Variants in ATP9A observed in about 807,000 individuals in gnomAD.
ATP9A encodes ATPase phospholipid transporting 9A, also known as probable phospholipid-transporting ATPase IIA.
ATP9A carries 52 observed loss-of-function variants against 144.1 expected under a neutral mutation model. The ratio of observed to expected loss-of-function variants is 0.36; its 90% CI spans 0.29 to 0.45. The LOEUF is 0.45. Ranked by LOEUF, ATP9A falls within the 20% of genes least tolerant of loss-of-function variation. The pLI is 1.00. For synonymous variants in ATP9A, 582 were observed against 557.4 expected (o/e 1.04, Z -0.62); for missense variants, 947 against 1,392.7 (o/e 0.68, Z 5.09).
intron 6 of ATP9A, among the ~76,000 whole-genome samples, chr20:51,694,499 C>T (rs1261448591): frequency 2.0e-5 from 3 of 152,106 alleles, no homozygotes; most frequent in Admixed American, 1.3e-4. Context: ...ACCCAAACCA[C>T]CTGAGTGCAG....
At chr20:51,675,276 A>T (rs2077472355) in intron 10 of ATP9A, among the ~76,000 whole-genome samples, 1 of 152,218 alleles carries the variant, frequency 6.6e-6, no homozygotes, top group African/African-American at 2.4e-5. Context: ...CTAATGGTGG[A>T]GCGACCATGA....
At position 51,604,926 on chromosome 20, in the gene ATP9A, C is replaced by G; in HGVS notation, c.2898G>C (p.Leu966=). 2 of 1,613,200 alleles carry G rather than the reference C, an allele frequency of 1.2e-6. No homozygotes were observed. Among genetic ancestry groups the G allele is most frequent in the Non-Finnish European group, 1.7e-6 (2 of 1,179,576 alleles). Residue 966 remains leucine, a synonymous_variant, in exon 27 of 28, where the codon CTG becomes CTC. Coordinates refer to ENST00000338821, the MANE Select transcript of ATP9A (RefSeq NM_006045.3). ...ISFTSLILTE[L]LMVALTIQTW... is the part of the protein sequence containing the mutation. ...TCTGGATGGTCAGCGCCACCATGAG[C>G]AGCTCGGTGAGGATCAGCGAGGTGA...
chr20:51,718,181 G>A (rs978075689), intron 3 of ATP9A, among the ~76,000 whole-genome samples: 2 of 152,238 alleles, frequency 1.3e-5, no homozygotes, highest in Middle Eastern at 3.4e-3. Context: ...GGCTGCCTTC[G>A]AGGACACCTT....
chr20:51,700,432 G>A (rs1314228011), intron 4 of ATP9A, among the ~76,000 whole-genome samples: 1 of 152,178 alleles, frequency 6.6e-6, no homozygotes, highest in Non-Finnish European at 1.5e-5. Context: ...TGAGGTGGGA[G>A]GAATGCTTGA....
chr20:51,712,134 G>A (rs1374172571), intron 4 of ATP9A, among the ~76,000 whole-genome samples: 8 of 149,978 alleles, frequency 5.3e-5, no homozygotes, highest in South Asian at 2.1e-4. Context: ...GTGCAGTGGC[G>A]CGGTCTATGC....
At chr20:51,717,348 T>C (rs1861693004) in intron 3 of ATP9A, among the ~76,000 whole-genome samples, 1 of 152,074 alleles carries the variant, frequency 6.6e-6, no homozygotes, top group Non-Finnish European at 1.5e-5. Flanking sequence ...TAAAAATCTA[T>C]TAAGGAAATC....
intron 27 of ATP9A, among the ~76,000 whole-genome samples, chr20:51,604,428 C>T (rs981447374): frequency 6.6e-6 from 1 of 152,196 alleles, no homozygotes; most frequent in Non-Finnish European, 1.5e-5. Context: ...GGTTCTGGGG[C>T]TCGGCACCTC....
chr20:51,625,763 G>C (rs1568791171), intron 17 of ATP9A, among the ~76,000 whole-genome samples: 1 of 152,208 alleles, frequency 6.6e-6, no homozygotes, highest in South Asian at 2.1e-4. Flanking sequence ...TGGGTCACCA[G>C]GTTTTCTAAA....
chr20:51,642,505 G>T (rs2077323775), intron 14 of ATP9A, among the ~76,000 whole-genome samples: 1 of 151,844 alleles, frequency 6.6e-6, no homozygotes, highest in Non-Finnish European at 1.5e-5. Context: ...CAGTTCTATA[G>T]ATCAGGGGTG....
At chr20:51,607,807 G>C (rs1244008187) in intron 25 of ATP9A, among the ~76,000 whole-genome samples, 2 of 152,122 alleles carry the variant, frequency 1.3e-5, no homozygotes, top group African/African-American at 4.8e-5. Context: ...ACTTTGGAAG[G>C]CTGAGGCAAG....
intron 18 of ATP9A, among the ~76,000 whole-genome samples, chr20:51,623,451 TCA>T (rs1272661335): frequency 1.3e-5 from 2 of 152,104 alleles, no homozygotes; most frequent in African/African-American, 4.8e-5. Flanking sequence ...TCACTTAGCC[TCA>T]GTTTCTACAT....
At chr20:51,614,832 G>A (rs6021324) in intron 22 of ATP9A, among the ~76,000 whole-genome samples, 4 of 151,914 alleles carry the variant, frequency 2.6e-5, no homozygotes, top group Admixed American at 2.0e-4. Flanking sequence ...CAAAACACCC[G>A]CTAACCAAAC....
At chr20:51,702,605 G>A (rs2077598752) in intron 4 of ATP9A, among the ~76,000 whole-genome samples, 1 of 152,062 alleles carries the variant, frequency 6.6e-6, no homozygotes. Context: ...TAGGGAGAAA[G>A]AGGGAGAGAA....
intron 15 of ATP9A, among the ~76,000 whole-genome samples, chr20:51,633,474 G>A (rs1265945970): frequency 6.6e-5 from 10 of 152,134 alleles, no homozygotes; most frequent in Admixed American, 6.5e-4. Context: ...GGTCAGGCAC[G>A]GTGGCTCACG....
At chr20:51,724,290 C>T (rs1009119198) in intron 3 of ATP9A, among the ~76,000 whole-genome samples, 3 of 152,202 alleles carry the variant, frequency 2.0e-5, no homozygotes, top group African/African-American at 7.2e-5. Context: ...CATAATACCT[C>T]AGTTTGGAGA....
intron 2 of ATP9A, among the ~76,000 whole-genome samples, chr20:51,728,142 T>C (rs1354721481): frequency 2.6e-5 from 4 of 152,198 alleles, no homozygotes; most frequent in East Asian, 1.9e-4. Context: ...TAAGAACCAT[T>C]GGTGCCTCTT....
chr20:51,746,299 C>A (rs1011136159), intron 1 of ATP9A, among the ~76,000 whole-genome samples: 1 of 152,102 alleles, frequency 6.6e-6, no homozygotes, highest in South Asian at 2.1e-4. Context: ...GGTACGTAGC[C>A]CTGAACCTAA....
intron 13 of ATP9A, among the ~76,000 whole-genome samples, chr20:51,667,380 C>T (rs765651239): frequency 6.6e-5 from 10 of 152,210 alleles, no homozygotes; most frequent in Admixed American, 2.0e-4. Context: ...CAAGAGTCAA[C>T]ACGACTGAGA....
intron 1 of ATP9A, among the ~76,000 whole-genome samples, chr20:51,738,609 T>C (rs1040654422): frequency 2.0e-5 from 3 of 151,958 alleles, no homozygotes; most frequent in Admixed American, 6.6e-5. Context: ...CTCGGGAGGA[T>C]TGACGCAGGA....
Sources: allele counts gnomAD v4.1 joint callset (sites outside exome capture counted in the v4.1 genomes callset), GRCh38; gene constraint gnomAD v4.1.1; transcripts MANE v1.5; gene names NCBI Gene and HGNC (gene_info 2026-07-23, HGNC 2026-07-21).